The following GGA2 variants were observed in gnomAD, a reference collection of about 807,000 sequenced individuals.
GGA2 encodes the protein ADP-ribosylation factor-binding protein GGA2.
GGA2 carries 48 observed loss-of-function variants against 79.5 expected under a neutral mutation model. The ratio of observed to expected loss-of-function variants is 0.60; its 90% CI spans 0.48 to 0.77. GGA2 has a LOEUF of 0.77. Ranked by LOEUF, GGA2 falls within the 30% of genes least tolerant of loss-of-function variation. GGA2 has a pLI of 0.00. For synonymous variants in GGA2, 317 were observed against 302.0 expected, an observed-to-expected ratio of 1.05 and a Z score of -0.51; for missense variants, 770 against 774.0, an observed-to-expected ratio of 0.99 and a Z score of 0.06.
rs1336865356 is a variant in GGA2 at position 23,474,992 on chromosome 16, G to A, written c.1362C>T (p.Ser454=). 1.2e-6 allele frequency: 2 copies of A among 1,610,646 alleles called. No homozygotes were observed. The highest frequency in any genetic ancestry group is 2.2e-5 in the South Asian group (2 of 90,990). The change falls in exon 14 of 17, where the codon TCC becomes TCT. Residue 454 remains serine (S), a synonymous_variant. Coordinates refer to ENST00000309859, the MANE Select transcript of GGA2 (RefSeq NM_015044.4). ...PPGTKSSPGW[S]WEAGPLAPSP... ...AAGGAGCCAACGGGCCAGCCTCCCA[G>A]GACCAACCTGGAGAGGACTTAGTAC...
chr16:23,473,330 CTTTTT>C (rs34972165), intron 14 of GGA2, among the ~76,000 whole-genome samples: 6 of 70,672 alleles, frequency 8.5e-5, no homozygotes, highest in East Asian at 1.1e-3. Flanking sequence ...CTTTTCTAGT[CTTTTT>C]TTTTTTTTTT....
chr16:23,500,976 G>A (rs1302484975), intron 1 of GGA2: 1 of 314,800 alleles, frequency 3.2e-6, no homozygotes, highest in Non-Finnish European at 6.3e-6. Context: ...CATATTGCTA[G>A]ATAACAGAAC....
chr16:23,509,629 C>A (rs1273095176), intron 1 of GGA2, among the ~76,000 whole-genome samples: 1 of 151,704 alleles, frequency 6.6e-6, no homozygotes, highest in East Asian at 1.9e-4. Flanking sequence ...TAATAATAAC[C>A]CCTAAGATGA....
At chr16:23,516,770 C>A (rs569283035) in intron 2 of GGA2, among the ~76,000 whole-genome samples, 10 of 152,284 alleles carry the variant, frequency 6.6e-5, no homozygotes, top group African/African-American at 2.4e-4. Flanking sequence ...TTTATGGAGA[C>A]CCTCACTTCC....
At chr16:23,491,324 A>C (rs1296056129) in intron 5 of GGA2, among the ~76,000 whole-genome samples, 2 of 151,576 alleles carry the variant, frequency 1.3e-5, no homozygotes, top group African/African-American at 4.8e-5. Context: ...AAAAAAAAAA[A>C]AAAAACCAAA....
At chr16:23,479,523 C>G (rs879269665) in intron 11 of GGA2, among the ~76,000 whole-genome samples, 27 of 150,308 alleles carry the variant, frequency 1.8e-4, no homozygotes, top group Middle Eastern at 3.4e-3. Context: ...CCTACTCACA[C>G]TCTCCCTGAC....
rs1424750067 is a variant in GGA2 at position 23,467,605 on chromosome 16, G to A, written c.1827C>T (p.Val609=). 6.4e-7 allele frequency: 1 copy of A among 1,574,502 alleles called. No homozygotes were observed. Among genetic ancestry groups the A allele is most frequent in the East Asian group, 2.2e-5 (1 of 44,718 alleles). Residue 609 remains valine (V), a synonymous_variant, in exon 17 of 17, where the codon GTC becomes GTT. Coordinates refer to ENST00000309859, the MANE Select transcript of GGA2 (RefSeq NM_015044.4). ...GEVKDFPDLA[V]LGAA is the part of the protein sequence containing the mutation. ...TTGTGAAAAGTTAGGCTGCGCCCAAGACAGCCAGGTCTGGGAAGTCTTTCA... is the reference window on the plus strand; with the variant it reads ...TTGTGAAAAGTTAGGCTGCGCCCAAAACAGCCAGGTCTGGGAAGTCTTTCA...
chr16:23,492,795 G>A (rs895582431), intron 4 of GGA2, among the ~76,000 whole-genome samples: 2 of 152,218 alleles, frequency 1.3e-5, no homozygotes, highest in African/African-American at 2.4e-5. Context: ...GAGGACACAT[G>A]AGACTCACGG....
chr16:23,478,954 C>T (rs563949369), intron 11 of GGA2, 43 bp from the exon 12 acceptor site: 1 of 1,387,712 alleles, frequency 7.2e-7, no homozygotes, highest in Admixed American at 1.7e-5. Flanking sequence ...AGTAACTCCA[C>T]CTGCTTCCAG....
intron 1 of GGA2, among the ~76,000 whole-genome samples, chr16:23,509,789 T>TA (rs113417385): frequency 8.3e-5 from 12 of 144,320 alleles, no homozygotes; most frequent in African/African-American, 1.0e-4. Flanking sequence ...TGTGTGTGTT[T>TA]AAAAAAAAAA....
intron 1 of GGA2, among the ~76,000 whole-genome samples, chr16:23,497,701 C>T (rs1377835297): frequency 3.3e-5 from 5 of 152,136 alleles, no homozygotes; most frequent in Admixed American, 6.5e-5. Context: ...TTTTATCTCC[C>T]GTCCCCATAA....
rs1424162564 is a variant in GGA2 at position 23,464,561 on chromosome 16, A to G, written c.*3029T>C. The G allele has an allele frequency of 6.6e-6, 1 of 152,176 alleles. No individual in the cohort carries two copies. Among genetic ancestry groups the G allele is most frequent in the Non-Finnish European group, 1.5e-5 (1 of 68,024 alleles). The allele number at this position is 152,176 out of a possible 1,614,324, so 9.4% of individuals were successfully genotyped here. On this transcript the variant is annotated 3_prime_UTR_variant, in exon 17 of 17. Transcript: ENST00000309859. The stretch of plus-strand genomic sequence containing the variant: ...GGGACAGAGGCATTGTCCCAAAAAA[A>G]AAAAAGCCCAAATCAGAGCAGTGGC...
chr16:23,511,325 T>C (rs974281965), upstream of GGA2, among the ~76,000 whole-genome samples: 8 of 150,822 alleles, frequency 5.3e-5, no homozygotes, highest in Non-Finnish European at 1.0e-4. Flanking sequence ...GCTATTTTTT[T>C]TTTTTTTGTA....
chr16:23,470,671 G>A (rs1490738846), intron 14 of GGA2, among the ~76,000 whole-genome samples: 4 of 151,832 alleles, frequency 2.6e-5, no homozygotes, highest in Non-Finnish European at 5.9e-5. Context: ...GCTGAGGCAC[G>A]AAAATCACTT....
At chr16:23,492,046 T>C (rs1964795687) in intron 4 of GGA2, among the ~76,000 whole-genome samples, 1 of 152,206 alleles carries the variant, frequency 6.6e-6, no homozygotes, top group African/African-American at 2.4e-5. Flanking sequence ...GAGCCTGTTC[T>C]ACACCACTGG....
rs1964421725 is a variant in GGA2 at position 23,465,320 on chromosome 16, C to T, written c.*2270G>A. 1 of 702,626 alleles carries T rather than the reference C, an allele frequency of 1.4e-6. No individual in the cohort carries two copies. The highest frequency in any genetic ancestry group is 2.6e-6 in the Non-Finnish European group (1 of 384,804). The allele number at this position is 702,626 out of a possible 1,614,324, so 43.5% of individuals were successfully genotyped here. ...TGTTAAGTGAATGAAGAGGTAGGAG[C>T]TGGGCTCTAAGTGGCCACTGGACTT... On this transcript the variant is annotated 3_prime_UTR_variant, in exon 17 of 17. Transcript: ENST00000309859.
chr16:23,465,257 T>C lies in GGA2; in HGVS notation c.*2333A>G. ...CACTCAGCCTCCCAAAATGCTGGGATTATAGGCGTGAGCCACTGTGCACAG... is the reference window on the plus strand; with the variant it reads ...CACTCAGCCTCCCAAAATGCTGGGACTATAGGCGTGAGCCACTGTGCACAG... On this transcript the variant is annotated 3_prime_UTR_variant, in exon 17 of 17. Transcript: ENST00000309859. 1.5e-6 allele frequency: 1 copy of C among 685,576 alleles called. No homozygotes were observed. Among genetic ancestry groups the C allele is most frequent in the South Asian group, 1.5e-5 (1 of 64,662 alleles). The allele number at this position is 685,576 out of a possible 1,614,324, so 42.5% of individuals were successfully genotyped here.
At chr16:23,495,108 A>C (rs1964838883) in intron 2 of GGA2, among the ~76,000 whole-genome samples, 1 of 151,826 alleles carries the variant, frequency 6.6e-6, no homozygotes, top group Admixed American at 6.6e-5. Context: ...AAAAGAAAAC[A>C]AAACAAAAAC....
At position 23,468,872 on chromosome 16, in the gene GGA2, A is replaced by C; in HGVS notation, c.1731+14T>G. 2 of 1,521,406 alleles carry C rather than the reference A, an allele frequency of 1.3e-6. No homozygotes were observed. Among genetic ancestry groups the C allele is most frequent in the Non-Finnish European group, 1.8e-6 (2 of 1,095,716 alleles). The allele number at this position is 1,521,406 out of a possible 1,614,324, so 94.2% of individuals were successfully genotyped here. On this transcript the variant is annotated intron_variant, in intron 16 of 16. Coordinates refer to ENST00000309859, the MANE Select transcript of GGA2 (RefSeq NM_015044.4). ...GGCCCCCATCTCCCTGCTACCACAGACACTGGAACATACTTTGTGTGGATT... is the reference window on the plus strand; with the variant it reads ...GGCCCCCATCTCCCTGCTACCACAGCCACTGGAACATACTTTGTGTGGATT...
Sources: allele counts gnomAD v4.1 joint callset (sites outside exome capture counted in the v4.1 genomes callset), GRCh38; gene constraint gnomAD v4.1.1; transcripts MANE v1.5; gene names NCBI Gene and HGNC (gene_info 2026-07-23, HGNC 2026-07-21).